The following VTI1A variants were observed in gnomAD, a reference collection of about 807,000 sequenced individuals.
VTI1A encodes the protein vesicle transport through interaction with t-SNAREs homolog 1A.
In VTI1A, 22 loss-of-function variants were observed where a neutral mutation model predicts 34.9. The observed-to-expected ratio is 0.63, with a 90% confidence interval of 0.45 to 0.90. The LOEUF (loss-of-function observed/expected upper bound fraction) is 0.90, where lower values mean the gene tolerates loss of function less well. Among genes scored for constraint, VTI1A ranks in the 40% least tolerant of loss-of-function variants. VTI1A has a pLI of 0.00. For missense variants in VTI1A, 268 were observed against 275.6 expected, an observed-to-expected ratio of 0.97 and a Z score of 0.20; for synonymous variants, 87 against 97.3, an observed-to-expected ratio of 0.89 and a Z score of 0.62.
At chr10:112,760,176 T>C (rs748494647) in intron 7 of VTI1A, among the ~76,000 whole-genome samples, 8 of 152,300 alleles carry the variant, frequency 5.3e-5, no homozygotes, top group Admixed American at 1.3e-4. Flanking sequence ...GGGGGATACG[T>C]TCCAAGACCG....
At chr10:112,475,084 G>C (rs1488288567) in intron 3 of VTI1A, among the ~76,000 whole-genome samples, 1 of 152,180 alleles carries the variant, frequency 6.6e-6, no homozygotes, top group African/African-American at 2.4e-5. Context: ...ATGTACACTT[G>C]ATTAGAATAA....
chr10:112,482,497 C>T (rs1251401718), intron 3 of VTI1A, among the ~76,000 whole-genome samples: 2 of 151,918 alleles, frequency 1.3e-5, no homozygotes, highest in Admixed American at 6.6e-5. Flanking sequence ...CTTTCTAATT[C>T]GAATGAAAAA....
intron 5 of VTI1A, among the ~76,000 whole-genome samples, chr10:112,589,235 T>A (rs990651921): frequency 2.0e-5 from 3 of 152,172 alleles, no homozygotes; most frequent in African/African-American, 7.2e-5. Flanking sequence ...TTCCCACGTG[T>A]TGTGGGAGGG....
intron 7 of VTI1A, among the ~76,000 whole-genome samples, chr10:112,793,215 A>G (rs1852549386): frequency 6.6e-6 from 1 of 152,238 alleles, no homozygotes; most frequent in South Asian, 2.1e-4. Context: ...CATGAGGCAG[A>G]TATCATAAGC....
chr10:112,548,719 T>C (rs1851230715), intron 5 of VTI1A: 1 of 1,352,038 alleles, frequency 7.4e-7, no homozygotes, highest in African/African-American at 1.4e-5. Flanking sequence ...CCACAGCAAC[T>C]GTCTATCTCA....
intron 7 of VTI1A, among the ~76,000 whole-genome samples, chr10:112,693,965 T>C (rs1848695492): frequency 6.6e-6 from 1 of 152,132 alleles, no homozygotes; most frequent in South Asian, 2.1e-4. Flanking sequence ...TCCCAGCACT[T>C]TGGAAGGCCA....
intron 5 of VTI1A, among the ~76,000 whole-genome samples, chr10:112,594,014 A>G (rs1028282228): frequency 3.3e-5 from 5 of 152,046 alleles, no homozygotes; most frequent in East Asian, 1.9e-4. Flanking sequence ...GGTTCCCGCC[A>G]TTCTCCTTCC....
intron 5 of VTI1A, among the ~76,000 whole-genome samples, chr10:112,622,243 G>C (rs1845762314): frequency 6.6e-6 from 1 of 152,180 alleles, no homozygotes; most frequent in Admixed American, 6.5e-5. Flanking sequence ...CTGTGCCCCT[G>C]AAAGGGGTGT....
rs141794737 is a variant in VTI1A, at chr10:112,552,933, C to T, written c.427+14603C>T. 1.3e-3 allele frequency among the ~76,000 whole-genome samples: 192 copies of T among 152,298 alleles called. 1 individual carries two copies. Among genetic ancestry groups the T allele is most frequent in the African/African-American group, 4.5e-3 (188 of 41,546 alleles). On this transcript the variant is annotated intron_variant, in intron 5 of 7. Transcript: ENST00000393077. ...TGCTGGCCTCTGCTCAAATTAAACA[C>T]TGTAAGATTATCAGCAGGTTACAAA...
chr10:112,730,096 T>C (rs552787893), intron 7 of VTI1A, among the ~76,000 whole-genome samples: 2 of 152,346 alleles, frequency 1.3e-5, no homozygotes, highest in African/African-American at 4.8e-5. Context: ...GCAAAACAGC[T>C]GGAAAATTAT....
the VTI1A span, among the ~76,000 whole-genome samples, chr10:112,828,607 G>A: frequency 2.6e-5 from 4 of 151,898 alleles, no homozygotes; most frequent in East Asian, 5.9e-4. Context: ...GGGTTTCACC[G>A]TGTTAGCCAG....
At chr10:112,643,408 T>C (rs1366776388) in intron 5 of VTI1A, among the ~76,000 whole-genome samples, 1 of 152,136 alleles carries the variant, frequency 6.6e-6, no homozygotes, top group Non-Finnish European at 1.5e-5. Flanking sequence ...TCTTTAAAAT[T>C]TTAGCTTTAC....
intron 3 of VTI1A, among the ~76,000 whole-genome samples, chr10:112,512,900 T>C (rs1838692116): frequency 6.6e-6 from 1 of 152,150 alleles, no homozygotes; most frequent in Non-Finnish European, 1.5e-5. Context: ...GGTCCATGTG[T>C]CCAGTTTTAT....
intron 7 of VTI1A, among the ~76,000 whole-genome samples, chr10:112,765,538 G>C (rs1851619891): frequency 6.6e-6 from 1 of 152,134 alleles, no homozygotes; most frequent in Admixed American, 6.6e-5. Context: ...TTACATTTAT[G>C]TTTAATTTAT....
chr10:112,855,110 C>T, the VTI1A span, among the ~76,000 whole-genome samples: 1 of 152,140 alleles, frequency 6.6e-6, no homozygotes, highest in Non-Finnish European at 1.5e-5. Context: ...GGAAGCTCGA[C>T]CTGGGATGGG....
chr10:112,668,954 T>C lies in VTI1A; in HGVS notation c.516T>C (p.Ala172=). ...TCTTGTAGCTTCGGGAAACAGATGC[T>C]AATTTGGGAAAAAGCTCCAGGATTC... The part of the protein sequence containing the change: ...RARERLRETD[A]NLGKSSRILT... Residue 172 remains alanine, a synonymous_variant, in exon 7 of 8, where the codon GCT becomes GCC. Coordinates refer to ENST00000393077, the MANE Select transcript of VTI1A (RefSeq NM_145206.4). 1 of 1,612,542 alleles carries C rather than the reference T, an allele frequency of 6.2e-7. No individual in the cohort carries two copies. Among genetic ancestry groups the C allele is most frequent in the African/African-American group, 1.3e-5 (1 of 74,972 alleles).
chr10:112,666,564 A>G (rs1369994630), intron 5 of VTI1A, among the ~76,000 whole-genome samples: 2 of 152,132 alleles, frequency 1.3e-5, no homozygotes, highest in South Asian at 2.1e-4. Context: ...TGGGGATTCA[A>G]TGATTCTTTG....
intron 5 of VTI1A, among the ~76,000 whole-genome samples, chr10:112,593,911 T>TAA (rs112290921): frequency 1.1e-4 from 16 of 149,306 alleles, no homozygotes; most frequent in Admixed American, 1.0e-3. Flanking sequence ...TAATTTTTTT[T>TAA]TTATTATTAT....
chr10:112,746,420 G>GA (rs1353957523), intron 7 of VTI1A, among the ~76,000 whole-genome samples: 3 of 152,158 alleles, frequency 2.0e-5, no homozygotes, highest in African/African-American at 4.8e-5. Flanking sequence ...GGCACCTACA[G>GA]AAAAAAGCCT....
Sources: gnomAD v4.1 joint callset for allele counts (sites outside exome capture counted in the v4.1 genomes callset) on GRCh38, gnomAD v4.1.1 for gene constraint, MANE v1.5 for transcripts, NCBI Gene and HGNC (gene_info 2026-07-23, HGNC 2026-07-21) for gene names.